Variants in DMD observed in about 807,000 individuals in gnomAD.
DMD encodes mutant dystrophin.
DMD carries 63 observed loss-of-function variants against 330.1 expected under a neutral mutation model. That is an observed-to-expected ratio of 0.19 (90% CI 0.16 to 0.24). The LOEUF is 0.24. Among genes scored for constraint, DMD ranks in the 10% least tolerant of loss-of-function variants. The probability of loss-of-function intolerance (pLI) is 1.00; values close to 1 mark genes in which losing one functional copy is unlikely to be tolerated. For missense variants in DMD, 3,344 were observed against 2,684.1 expected (o/e 1.25, Z -5.43); for synonymous variants, 1,223 against 959.8 (o/e 1.27, Z -5.07).
chrX:33,277,090 C>T (rs1178759422), intron 1 of DMD, among the ~76,000 whole-genome samples: 1 of 111,346 alleles, frequency 9.0e-6, no homozygotes, highest in East Asian at 2.8e-4. Context: ...CTCAAGACAC[C>T]CCATGTTATC....
chrX:31,386,761 T>G (rs2060465033), intron 60 of DMD, among the ~76,000 whole-genome samples: 1 of 112,081 alleles, frequency 8.9e-6, no homozygotes, highest in African/African-American at 3.2e-5. Context: ...AAGGAACTCT[T>G]TGGTTTCAAT....
intron 9 of DMD, among the ~76,000 whole-genome samples, chrX:32,655,055 C>T (rs1440716516): frequency 1.8e-5 from 2 of 111,220 alleles, no homozygotes; most frequent in Admixed American, 9.6e-5. Context: ...ATTAGTCTTG[C>T]TAGCGATCTA....
intron 7 of DMD, among the ~76,000 whole-genome samples, chrX:32,767,161 A>AT (rs2073086528): frequency 9.0e-6 from 1 of 111,710 alleles, no homozygotes; most frequent in African/African-American, 3.2e-5. Flanking sequence ...GGCACCTAGT[A>AT]TTTTTTGAGG....
intron 2 of DMD, among the ~76,000 whole-genome samples, chrX:32,956,744 T>A (rs1055043764): frequency 1.8e-5 from 2 of 111,210 alleles, no homozygotes; most frequent in African/African-American, 6.5e-5. Context: ...CTATGTTAAA[T>A]AGGAATGGTA....
intron 17 of DMD, among the ~76,000 whole-genome samples, chrX:32,518,561 C>A (rs777363093): frequency 6.3e-5 from 7 of 111,241 alleles, no homozygotes; most frequent in African/African-American, 2.3e-4. Flanking sequence ...CTGGGTTTGG[C>A]CACGTGACTT....
chrX:31,385,563 ATATT>A (rs1375812291), intron 60 of DMD, among the ~76,000 whole-genome samples: 2 of 112,469 alleles, frequency 1.8e-5, no homozygotes, highest in African/African-American at 6.5e-5. Flanking sequence ...TTAAGCGTAT[ATATT>A]TATAGAGCAT....
intron 2 of DMD, among the ~76,000 whole-genome samples, chrX:32,981,767 A>G (rs2092712839): frequency 9.0e-6 from 1 of 111,569 alleles, no homozygotes; most frequent in Admixed American, 9.6e-5. Flanking sequence ...ATGTCAGTTG[A>G]AAATAGTGCA....
intron 50 of DMD, among the ~76,000 whole-genome samples, chrX:31,785,436 T>C (rs906030756): frequency 6.6e-4 from 74 of 112,382 alleles, no homozygotes; most frequent in African/African-American, 2.4e-3. Context: ...GTTTGTATTA[T>C]GTGGGTTTTG....
intron 71 of DMD, among the ~76,000 whole-genome samples, chrX:31,176,252 A>G (rs1222376068): frequency 1.8e-5 from 2 of 111,804 alleles, no homozygotes. Flanking sequence ...ATTTCTGAAT[A>G]ATCTAACCAA....
At chrX:32,982,644 C>T (rs1159857728) in intron 2 of DMD, among the ~76,000 whole-genome samples, 1 of 111,447 alleles carries the variant, frequency 9.0e-6, no homozygotes, top group East Asian at 2.8e-4. Flanking sequence ...TTTTGGTTTA[C>T]TGGGTCTGGA....
At chrX:32,449,063 T>G (rs2098317715) in intron 26 of DMD, among the ~76,000 whole-genome samples, 3 of 111,062 alleles carry the variant, frequency 2.7e-5, no homozygotes. Context: ...ATATCATTAT[T>G]TAAGTTAAAG....
At chrX:32,257,670 G>A (rs1328453045) in intron 43 of DMD, among the ~76,000 whole-genome samples, 3 of 111,417 alleles carry the variant, frequency 2.7e-5, no homozygotes, top group Non-Finnish European at 3.8e-5. Context: ...ATCAACTCAA[G>A]ATGCATTAAA....
chrX:31,919,147 T>C (rs1479034210), intron 47 of DMD, among the ~76,000 whole-genome samples: 1 of 111,565 alleles, frequency 9.0e-6, no homozygotes. Context: ...CTAACATCAC[T>C]GATAAAATAC....
At chrX:33,042,105 A>G (rs984773488) in intron 1 of DMD, among the ~76,000 whole-genome samples, 5 of 110,927 alleles carry the variant, frequency 4.5e-5, no homozygotes, top group African/African-American at 1.6e-4. Flanking sequence ...AAATTAATCT[A>G]CTGCTCCAAA....
intron 55 of DMD, among the ~76,000 whole-genome samples, chrX:31,562,365 T>G (rs767414311): frequency 5.2e-4 from 58 of 112,341 alleles, no homozygotes; most frequent in Middle Eastern, 4.6e-3. Flanking sequence ...TAAGTGCATT[T>G]AAAATTTTTG....
intron 2 of DMD, among the ~76,000 whole-genome samples, chrX:32,890,476 A>G (rs1386100086): frequency 9.1e-6 from 1 of 110,462 alleles, no homozygotes; most frequent in East Asian, 2.9e-4. Context: ...GGGAAAAGCC[A>G]CACCCTTAAT....
chrX:32,012,967 T>C (rs6631458), intron 44 of DMD, among the ~76,000 whole-genome samples: 16,199 of 110,401 alleles, frequency 0.15, 1,193 homozygotes, highest in African/African-American at 0.27. Context: ...CAGTGTAGAA[T>C]GTCATTCATT....
At chrX:32,386,234 C>T (rs1311123342) in intron 33 of DMD, 76 bp downstream of exon 33, 1 of 1,106,858 alleles carries the variant, frequency 9.0e-7, no homozygotes, top group African/African-American at 1.8e-5. Context: ...TCTAATCATA[C>T]ATAATTTATT....
At chrX:33,172,675 A>G (rs1039350212) in intron 1 of DMD, among the ~76,000 whole-genome samples, 7 of 112,139 alleles carry the variant, frequency 6.2e-5, no homozygotes, top group Admixed American at 3.8e-4. Flanking sequence ...GGTAGTATCA[A>G]GTAAGATCTT....
Sources: allele counts gnomAD v4.1 joint callset (sites outside exome capture counted in the v4.1 genomes callset), GRCh38; gene constraint gnomAD v4.1.1; transcripts MANE v1.5; gene names NCBI Gene and HGNC (gene_info 2026-07-23, HGNC 2026-07-21).